The following GALNT13 variants were observed in gnomAD, a reference collection of about 807,000 sequenced individuals.
The protein encoded by GALNT13 is polypeptide N-acetylgalactosaminyltransferase 13.
Under a neutral mutation model 64.2 loss-of-function variants are expected in GALNT13, and 28 were observed. The ratio of observed to expected loss-of-function variants is 0.44; its 90% CI spans 0.32 to 0.60. GALNT13 has a LOEUF of 0.60. GALNT13 is among the 20% of genes least tolerant of loss of function. The probability of loss-of-function intolerance (pLI) is 0.05; values close to 1 mark genes in which losing one functional copy is unlikely to be tolerated. For missense variants in GALNT13, 577 were observed against 669.8 expected, an observed-to-expected ratio of 0.86 and a Z score of 1.53; for synonymous variants, 214 against 224.6, an observed-to-expected ratio of 0.95 and a Z score of 0.42.
chr2:154,306,545 G>A (rs1209889490), intron 9 of GALNT13, among the ~76,000 whole-genome samples: 1 of 146,928 alleles, frequency 6.8e-6, no homozygotes, highest in South Asian at 2.2e-4. Context: ...CTGTACAGGA[G>A]ATCAGAGTTT....
At chr2:153,252,526 T>C in the GALNT13 span, among the ~76,000 whole-genome samples, 1 of 150,856 alleles carries the variant, frequency 6.6e-6, no homozygotes, top group Non-Finnish European at 1.5e-5. Context: ...TTTTGGTGTT[T>C]TGGACATGAA....
the GALNT13 span, among the ~76,000 whole-genome samples, chr2:153,704,804 A>G: frequency 6.6e-6 from 1 of 152,208 alleles, no homozygotes; most frequent in Non-Finnish European, 1.5e-5. Flanking sequence ...ACAGATTAAC[A>G]GCACAAAGAA....
At chr2:153,326,322 C>T in the GALNT13 span, among the ~76,000 whole-genome samples, 2,205 of 73,854 alleles carry the variant, frequency 0.03, 27 homozygotes, top group African/African-American at 0.085. Flanking sequence ...TTTTTTTTTT[C>T]GCTTTCCATT....
intron 2 of GALNT13, among the ~76,000 whole-genome samples, chr2:153,910,303 T>C (rs1266523648): frequency 6.6e-6 from 1 of 152,166 alleles, no homozygotes; most frequent in Non-Finnish European, 1.5e-5. Context: ...TTGTCATTTC[T>C]GATTGTGTTT....
chr2:153,967,502 C>T (rs929117480), intron 3 of GALNT13, among the ~76,000 whole-genome samples: 1 of 152,156 alleles, frequency 6.6e-6, no homozygotes, highest in Non-Finnish European at 1.5e-5. Flanking sequence ...ATTAAATACA[C>T]AGTCTTGGTG....
chr2:153,640,438 A>G, the GALNT13 span, among the ~76,000 whole-genome samples: 2 of 152,282 alleles, frequency 1.3e-5, no homozygotes, highest in Non-Finnish European at 2.9e-5. Context: ...AAAACACAGT[A>G]TAATTCAATG....
intron 4 of GALNT13, among the ~76,000 whole-genome samples, chr2:154,165,575 T>A (rs1684979461): frequency 6.6e-6 from 1 of 152,216 alleles, no homozygotes; most frequent in African/African-American, 2.4e-5. Context: ...TATTTGTGTT[T>A]ATATTAAAAA....
the GALNT13 span, among the ~76,000 whole-genome samples, chr2:153,121,511 A>G: frequency 1.3e-5 from 2 of 152,088 alleles, no homozygotes; most frequent in East Asian, 1.9e-4. Context: ...TCATCTCTCA[A>G]TGTAATATAA....
chr2:154,374,929 A>C (rs1453640304), intron 9 of GALNT13, among the ~76,000 whole-genome samples: 1 of 152,216 alleles, frequency 6.6e-6, no homozygotes, highest in East Asian at 1.9e-4. Context: ...TATTTAGAAT[A>C]CAGTCATTCA....
the GALNT13 span, among the ~76,000 whole-genome samples, chr2:153,251,709 G>T: frequency 2.7e-5 from 4 of 147,918 alleles, no homozygotes; most frequent in Non-Finnish European, 5.9e-5. Context: ...GTATGAGTGA[G>T]AATATGCGGT....
chr2:154,447,715 G>T (rs937076332), intron 12 of GALNT13, among the ~76,000 whole-genome samples: 5 of 151,864 alleles, frequency 3.3e-5, no homozygotes, highest in African/African-American at 1.2e-4. Context: ...AACATATGGG[G>T]TACTATTTTA....
the GALNT13 span, among the ~76,000 whole-genome samples, chr2:153,194,410 TTAA>T: frequency 6.6e-6 from 1 of 152,322 alleles, no homozygotes; most frequent in South Asian, 2.1e-4. Flanking sequence ...TGTATTTTAT[TTAA>T]TACATTCTTC....
At chr2:154,173,653 G>T (rs1210226304) in intron 4 of GALNT13, among the ~76,000 whole-genome samples, 2 of 151,902 alleles carry the variant, frequency 1.3e-5, no homozygotes, top group African/African-American at 4.8e-5. Context: ...CAATTCATCT[G>T]ACAAGGAATT....
intron 9 of GALNT13, among the ~76,000 whole-genome samples, chr2:154,354,850 G>A (rs799814): frequency 0.89 from 135,386 of 151,934 alleles, 61,415 homozygotes; most frequent in Non-Finnish European, 0.98. Context: ...TCTCACAGCA[G>A]TTCTCTCTAC....
chr2:153,725,410 A>G, the GALNT13 span, among the ~76,000 whole-genome samples: 8 of 151,248 alleles, frequency 5.3e-5, no homozygotes, highest in African/African-American at 1.7e-4. Flanking sequence ...TACATATGTA[A>G]CTAACCTGCA....
intron 1 of GALNT13, among the ~76,000 whole-genome samples, chr2:153,874,470 C>G (rs1211791556): frequency 1.3e-5 from 2 of 151,992 alleles, no homozygotes; most frequent in Admixed American, 6.6e-5. Flanking sequence ...GAAAGCTTTT[C>G]TAAAGGAATT....
At chr2:153,470,199 T>C in the GALNT13 span, among the ~76,000 whole-genome samples, 9 of 152,278 alleles carry the variant, frequency 5.9e-5, no homozygotes, top group African/African-American at 1.9e-4. Flanking sequence ...GTGACCATTG[T>C]TATAGGTCCT....
At chr2:154,296,984 T>C (rs757901392) in intron 8 of GALNT13, among the ~76,000 whole-genome samples, 3 of 152,076 alleles carry the variant, frequency 2.0e-5, no homozygotes, top group Non-Finnish European at 4.4e-5. Context: ...GTATTCCGGG[T>C]ACAGGGGAAG....
chr2:153,527,691 C>G, the GALNT13 span, among the ~76,000 whole-genome samples: 1 of 151,908 alleles, frequency 6.6e-6, no homozygotes, highest in Non-Finnish European at 1.5e-5. Context: ...AAATGATGAA[C>G]CAATAAAAAA....
Sources: allele counts gnomAD v4.1 joint callset (sites outside exome capture counted in the v4.1 genomes callset), GRCh38; gene constraint gnomAD v4.1.1; transcripts MANE v1.5; gene names NCBI Gene and HGNC (gene_info 2026-07-23, HGNC 2026-07-21).